FBXW7: variants seen among roughly 807,000 people sequenced by gnomAD.
The protein encoded by FBXW7 is F-box/WD repeat-containing protein 7.
A neutral mutation model predicts 86.3 loss-of-function variants in FBXW7; 11 were observed. The observed-to-expected ratio is 0.13, with a 90% CI of 0.08 to 0.21. The LOEUF (loss-of-function observed/expected upper bound fraction) is 0.21, where lower values mean the gene tolerates loss of function less well. Ranked by LOEUF, FBXW7 falls within the 10% of genes least tolerant of loss-of-function variation. The pLI is 1.00. For missense variants in FBXW7, 488 were observed against 847.4 expected, an observed-to-expected ratio of 0.58 and a Z score of 5.27; for synonymous variants, 313 against 297.9, an observed-to-expected ratio of 1.05 and a Z score of -0.52.
At chr4:152,360,578 C>G (rs2126695040) in intron 4 of FBXW7, among the ~76,000 whole-genome samples, 1 of 152,158 alleles carries the variant, frequency 6.6e-6, no homozygotes, top group African/African-American at 2.4e-5. Flanking sequence ...CCCCACACCT[C>G]TACTGTCTGG....
At chr4:152,514,170 C>T (rs556135106) in intron 2 of FBXW7, among the ~76,000 whole-genome samples, 12 of 152,264 alleles carry the variant, frequency 7.9e-5, no homozygotes, top group Non-Finnish European at 1.5e-4. Context: ...TTAACTATCT[C>T]GCTTGCATTC....
intron 2 of FBXW7, among the ~76,000 whole-genome samples, chr4:152,478,535 G>A (rs1213372226): frequency 6.6e-6 from 1 of 152,058 alleles, no homozygotes; most frequent in South Asian, 2.1e-4. Flanking sequence ...TGCTGTATAA[G>A]TTATCCAGTT....
At chr4:152,413,363 T>C (rs1469880223) in intron 2 of FBXW7, among the ~76,000 whole-genome samples, 1 of 152,126 alleles carries the variant, frequency 6.6e-6, no homozygotes, top group African/African-American at 2.4e-5. Flanking sequence ...TTAAGTTGCA[T>C]GGTTTTCTTG....
intron 4 of FBXW7, among the ~76,000 whole-genome samples, chr4:152,394,415 CTTCT>C (rs1415484492): frequency 6.6e-6 from 1 of 152,042 alleles, no homozygotes; most frequent in African/African-American, 2.4e-5. Flanking sequence ...TTACAAATTC[CTTCT>C]AAGTTCAGCA....
At chr4:152,470,996 A>G (rs1274925117) in intron 2 of FBXW7, among the ~76,000 whole-genome samples, 1 of 152,182 alleles carries the variant, frequency 6.6e-6, no homozygotes, top group Non-Finnish European at 1.5e-5. Context: ...TTCCTCTTAA[A>G]GAATCTGCAG....
At chr4:152,524,364 A>T (rs1749302192) in intron 2 of FBXW7, among the ~76,000 whole-genome samples, 1 of 152,158 alleles carries the variant, frequency 6.6e-6, no homozygotes, top group African/African-American at 2.4e-5. Context: ...TGAGGAAAAA[A>T]CAACAGAACA....
At chr4:152,399,045 C>T (rs1736684659) in intron 4 of FBXW7, among the ~76,000 whole-genome samples, 1 of 152,008 alleles carries the variant, frequency 6.6e-6, no homozygotes, top group South Asian at 2.1e-4. Flanking sequence ...GAAATATAAG[C>T]AAGATACAAA....
chr4:152,528,144 T>C (rs75103496), intron 2 of FBXW7, among the ~76,000 whole-genome samples: 1 of 151,994 alleles, frequency 6.6e-6, no homozygotes, highest in African/African-American at 2.4e-5. Context: ...TCTAACACAA[T>C]ACACTAGGTA....
chr4:152,475,678 A>G (rs959503550), intron 2 of FBXW7, among the ~76,000 whole-genome samples: 10 of 152,246 alleles, frequency 6.6e-5, no homozygotes, highest in Admixed American at 5.9e-4. Context: ...TATAAAATCA[A>G]TATGTAAAAA....
chr4:152,483,209 TATTC>T (rs550558687), intron 2 of FBXW7, among the ~76,000 whole-genome samples: 6 of 152,164 alleles, frequency 3.9e-5, no homozygotes, highest in Non-Finnish European at 7.4e-5. Flanking sequence ...TATTTGTACT[TATTC>T]ATAACCCATT....
At chr4:152,469,155 C>T (rs960073408) in intron 2 of FBXW7, among the ~76,000 whole-genome samples, 8 of 151,988 alleles carry the variant, frequency 5.3e-5, no homozygotes, top group African/African-American at 1.7e-4. Context: ...TAATAATCTG[C>T]TATTGACTAT....
chr4:152,456,606 G>C (rs767724178), intron 2 of FBXW7, among the ~76,000 whole-genome samples: 6 of 152,182 alleles, frequency 3.9e-5, no homozygotes, highest in African/African-American at 1.4e-4. Context: ...GATGTGAATG[G>C]CAAACAAGCA....
chr4:152,419,821 T>C (rs1348969580), intron 2 of FBXW7, among the ~76,000 whole-genome samples: 2 of 152,154 alleles, frequency 1.3e-5, no homozygotes, highest in African/African-American at 4.8e-5. Context: ...GTAAAAAAAA[T>C]GTACATACCT....
intron 10 of FBXW7, 150 bp downstream of exon 10, chr4:152,329,522 T>C (rs950710125): frequency 1.9e-5 from 8 of 430,256 alleles, no homozygotes; most frequent in Non-Finnish European, 2.1e-5. Context: ...TTCATAAATA[T>C]GGGGAAAAAA....
At chr4:152,339,906 G>C (rs1406701533) in intron 6 of FBXW7, among the ~76,000 whole-genome samples, 1 of 138,088 alleles carries the variant, frequency 7.2e-6, no homozygotes, top group Non-Finnish European at 1.5e-5. Flanking sequence ...CTAGGTGACA[G>C]AGCGAGGCTT....
At chr4:152,472,604 TAA>T (rs1744056182) in intron 2 of FBXW7, among the ~76,000 whole-genome samples, 1 of 152,174 alleles carries the variant, frequency 6.6e-6, no homozygotes, top group Non-Finnish European at 1.5e-5. Context: ...AGCTAATCTC[TAA>T]TTACAAAGTC....
intron 9 of FBXW7, 111 bp from the exon 10 acceptor site, chr4:152,329,896 T>C (rs1475581939): frequency 4.1e-6 from 2 of 493,642 alleles, no homozygotes; most frequent in Non-Finnish European, 6.8e-6. Context: ...GTAGTCTATC[T>C]CTAGAATTTA....
intron 2 of FBXW7, among the ~76,000 whole-genome samples, chr4:152,444,351 TTTGAAA>T (rs1741183790): frequency 6.6e-6 from 1 of 151,796 alleles, no homozygotes; most frequent in Non-Finnish European, 1.5e-5. Context: ...TTATCTGATG[TTTGAAA>T]TTGAGTTGTT....
intron 2 of FBXW7, among the ~76,000 whole-genome samples, chr4:152,475,465 AG>A (rs1744312025): frequency 6.6e-6 from 1 of 152,182 alleles, no homozygotes; most frequent in African/African-American, 2.4e-5. Flanking sequence ...ATAAAACACC[AG>A]GAACAAAGCA....
Sources: allele counts gnomAD v4.1 joint callset (sites outside exome capture counted in the v4.1 genomes callset), GRCh38; gene constraint gnomAD v4.1.1; transcripts MANE v1.5; gene names NCBI Gene and HGNC (gene_info 2026-07-23, HGNC 2026-07-21).